The following PAPPA variants were observed in gnomAD, a reference collection of about 807,000 sequenced individuals.
PAPPA encodes pappalysin-1.
PAPPA carries 60 observed loss-of-function variants against 164.0 expected under a neutral mutation model. That is an observed-to-expected ratio of 0.37 (90% CI 0.30 to 0.45). The LOEUF is 0.45. Ranked by LOEUF, PAPPA falls within the 20% of genes least tolerant of loss-of-function variation. The pLI is 1.00. For missense variants in PAPPA, 1,782 were observed against 2,087.3 expected (o/e 0.85, Z 2.85); for synonymous variants, 875 against 814.1 (o/e 1.07, Z -1.27).
Position 116,231,098 on chromosome 9 carries a change from G to A in PAPPA, c.2233+3546G>A, listed in dbSNP as rs147276243. ...GTGTATATATATATAGATATATAAC[G>A]GGTGCCTGTATAGTGCTTCACAAAA... On this transcript the variant is annotated intron_variant, in intron 6 of 21. Transcript: ENST00000328252. 1.5e-4 allele frequency among the ~76,000 whole-genome samples: 21 copies of A among 142,478 alleles called. No homozygotes were observed. The East Asian group carries it at 2.9e-3, about 20-fold the overall frequency. The allele number at this position is 142,478 out of a possible 152,430, so 93.5% of individuals were successfully genotyped here. A position where few individuals can be genotyped will look rare whatever the true frequency, so the allele number is the denominator to read the frequency against.
At chr9:116,301,395 CT>C (rs778199611) in intron 9 of PAPPA, among the ~76,000 whole-genome samples, 13 of 152,284 alleles carry the variant, frequency 8.5e-5, no homozygotes, top group Non-Finnish European at 1.6e-4. Context: ...AGATAGAAAT[CT>C]TTATAAAATA....
At position 116,399,123 on chromosome 9, in the gene PAPPA, C is replaced by T. The variant is rs144430234; in HGVS notation, c.*2507C>T. On this transcript the variant is annotated 3_prime_UTR_variant, in exon 22 of 22. Coordinates refer to ENST00000328252, the MANE Select transcript of PAPPA (RefSeq NM_002581.5). ...CCTTACCAGCTTCCCTCAAATCAGT[C>T]CTTATCCTCTTTCTATCTTCACTCC... is the stretch of plus-strand genomic sequence containing the variant. 6.2e-6 allele frequency: 1 copy of T among 160,370 alleles called. No individual in the cohort carries two copies. Among genetic ancestry groups the T allele is most frequent in the Admixed American group, 6.2e-5 (1 of 16,080 alleles). The allele number at this position is 160,370 out of a possible 1,614,324, so 9.9% of individuals were successfully genotyped here. A position where few individuals can be genotyped will look rare whatever the true frequency, so the allele number is the denominator to read the frequency against.
At chr9:116,266,671 C>A (rs1398196686) in intron 8 of PAPPA, among the ~76,000 whole-genome samples, 1 of 152,130 alleles carries the variant, frequency 6.6e-6, no homozygotes, top group African/African-American at 2.4e-5. Flanking sequence ...TGCTATGCAA[C>A]TGGCAAACAG....
intron 10 of PAPPA, among the ~76,000 whole-genome samples, chr9:116,324,059 C>G (rs1845892594): frequency 1.3e-5 from 2 of 152,184 alleles, no homozygotes; most frequent in African/African-American, 4.8e-5. Context: ...GGAAAGACAA[C>G]AAGAAGTCCC....
intron 8 of PAPPA, among the ~76,000 whole-genome samples, chr9:116,270,186 C>T (rs1306294666): frequency 6.6e-6 from 1 of 152,200 alleles, no homozygotes; most frequent in African/African-American, 2.4e-5. Context: ...CCTTGAGCAT[C>T]TTCTATGTGT....
At chr9:116,365,853 C>G (rs187887322) in intron 18 of PAPPA, among the ~76,000 whole-genome samples, 1 of 152,248 alleles carries the variant, frequency 6.6e-6, no homozygotes, top group Admixed American at 6.5e-5. Flanking sequence ...TCTCTCCTCT[C>G]TCTGTGTGGC....
At chr9:116,365,431 T>C (rs1220352373) in intron 18 of PAPPA, among the ~76,000 whole-genome samples, 2 of 151,978 alleles carry the variant, frequency 1.3e-5, no homozygotes, top group African/African-American at 2.4e-5. Flanking sequence ...CACAGCAGCC[T>C]GGTCCTAAAG....
chr9:116,272,893 A>C (rs970915718), intron 9 of PAPPA, among the ~76,000 whole-genome samples: 1 of 152,180 alleles, frequency 6.6e-6, no homozygotes, highest in African/African-American at 2.4e-5. Context: ...CAGTTTACCT[A>C]CTGTAAATTT....
intron 7 of PAPPA, among the ~76,000 whole-genome samples, chr9:116,237,322 G>T (rs1040339904): frequency 6.6e-6 from 1 of 152,172 alleles, no homozygotes; most frequent in Non-Finnish European, 1.5e-5. Flanking sequence ...GGATAGTCTT[G>T]CCTTAAAAAT....
chr9:116,268,876 G>C (rs1845105279), intron 8 of PAPPA, among the ~76,000 whole-genome samples: 1 of 150,732 alleles, frequency 6.6e-6, no homozygotes. Flanking sequence ...AAAACTTTGG[G>C]GAAAAGAAGG....
In PAPPA at chr9:116,265,893, C is replaced by G; in HGVS notation, c.2769C>G (p.Val923=). ...TTGGCAGTGTGTACCAGTATTGGGT[C>G]ATAACTATTTCAGGAACTGAAGAGA... ...LNLGSVYQYW[V]ITISGTEESE... is the part of the protein sequence containing the mutation. The change falls in exon 8 of 22, where the codon GTC becomes GTG. Residue 923 remains valine (V), a synonymous_variant. Coordinates refer to ENST00000328252, the MANE Select transcript of PAPPA (RefSeq NM_002581.5). 1.2e-6 allele frequency: 2 copies of G among 1,610,654 alleles called. No individual in the cohort carries two copies. Among genetic ancestry groups the G allele is most frequent in the Non-Finnish European group, 1.7e-6 (2 of 1,177,024 alleles).
chr9:116,214,209 A>G (rs1844343795), intron 4 of PAPPA, among the ~76,000 whole-genome samples: 1 of 152,168 alleles, frequency 6.6e-6, no homozygotes, highest in Non-Finnish European at 1.5e-5. Context: ...TATCAATCTT[A>G]TTTTAACTAA....
rs554668553 is a variant in PAPPA at position 116,154,700 on chromosome 9, G to T, written c.415+113G>T. 61 of 1,186,358 alleles carry T rather than the reference G, an allele frequency of 5.1e-5. No homozygotes were observed. The African/African-American group carries it at 6.7e-4, about 13-fold the overall frequency. 73.5% of individuals were successfully genotyped at this position (1,186,358 alleles called of 1,614,324 possible). On this transcript the variant is annotated intron_variant, in intron 1 of 21. Coordinates refer to ENST00000328252, the MANE Select transcript of PAPPA (RefSeq NM_002581.5). This position sits in a 1 kb window ranked among gnomAD's most constrained non-coding sequence, Gnocchi z 5.2. ...GGGGCTTGCGGGCGTGTCTGTGCGA[G>T]AGCTGCCCCGCGAGCGGCGCAGAGA...
intron 1 of PAPPA, among the ~76,000 whole-genome samples, chr9:116,182,837 C>T (rs1027881289): frequency 3.9e-5 from 6 of 152,136 alleles, no homozygotes; most frequent in African/African-American, 1.2e-4. Context: ...GGGATGGTTC[C>T]GTAACAGGAG....
intron 13 of PAPPA, among the ~76,000 whole-genome samples, chr9:116,339,772 A>G (rs1259130406): frequency 1.3e-5 from 2 of 152,242 alleles, no homozygotes; most frequent in East Asian, 1.9e-4. Context: ...GAACCAGGAG[A>G]GGGACCCTTG....
chr9:116,289,192 T>A lies in PAPPA; in HGVS notation c.2954-13565T>A, dbSNP rs74621332. Among the ~76,000 whole-genome samples, 15 of 23,462 alleles carry A rather than the reference T, an allele frequency of 6.4e-4. 1 individual carries two copies. Among genetic ancestry groups the A allele is most frequent in the Admixed American group, 1.3e-3 (2 of 1,556 alleles). 15.4% of individuals were successfully genotyped at this position (23,462 alleles called of 152,430 possible). On this transcript the variant is annotated intron_variant, in intron 9 of 21. Coordinates refer to ENST00000328252, the MANE Select transcript of PAPPA (RefSeq NM_002581.5). Reference sequence around the variant, plus strand: ...ATATATAGCATATATGTAGCATATATATAGCATATATATATAGCATATATG... The same window carrying A: ...ATATATAGCATATATGTAGCATATAAATAGCATATATATATAGCATATATG...
intron 17 of PAPPA, among the ~76,000 whole-genome samples, chr9:116,356,249 C>A (rs142403461): frequency 6.6e-6 from 1 of 152,200 alleles, no homozygotes; most frequent in Non-Finnish European, 1.5e-5. Context: ...TTACTTAACT[C>A]GTTAAGCTTC....
intron 10 of PAPPA, among the ~76,000 whole-genome samples, chr9:116,310,476 A>G (rs1205616070): frequency 6.6e-6 from 1 of 152,174 alleles, no homozygotes; most frequent in Non-Finnish European, 1.5e-5. Flanking sequence ...GGCACCAAAA[A>G]AATCCCTCCA....
intron 7 of PAPPA, among the ~76,000 whole-genome samples, chr9:116,242,498 T>C (rs1191140996): frequency 6.6e-6 from 1 of 152,238 alleles, no homozygotes; most frequent in Non-Finnish European, 1.5e-5. Flanking sequence ...TTCTTAGATA[T>C]ACTTCAATCT....
Sources: allele counts gnomAD v4.1 joint callset (sites outside exome capture counted in the v4.1 genomes callset), GRCh38; gene constraint gnomAD v4.1.1; non-coding constraint Gnocchi (gnomAD v3.1); transcripts MANE v1.5; gene names NCBI Gene and HGNC (gene_info 2026-07-23, HGNC 2026-07-21).